Variants in CPXM2 observed in about 807,000 individuals in gnomAD.
CPXM2 encodes inactive carboxypeptidase-like protein X2.
A neutral mutation model predicts 86.1 loss-of-function variants in CPXM2; 66 were observed. That is an observed-to-expected ratio of 0.77 (90% CI 0.63 to 0.94). The LOEUF (loss-of-function observed/expected upper bound fraction) is 0.94, where lower values mean the gene tolerates loss of function less well. CPXM2 is among the 40% of genes least tolerant of loss of function. CPXM2 has a pLI of 0.00. For synonymous variants in CPXM2, 388 were observed against 400.2 expected, an observed-to-expected ratio of 0.97 and a Z score of 0.36; for missense variants, 948 against 1,026.3, an observed-to-expected ratio of 0.92 and a Z score of 1.04.
intron 9 of CPXM2, 107 bp from the exon 10 acceptor site, chr10:123,767,259 G>A: frequency 1.0e-6 from 1 of 952,978 alleles, no homozygotes; most frequent in South Asian, 1.6e-5. Flanking sequence ...ATGTCTCTAA[G>A]CCTCTAGATG....
rs576141897 is a variant in CPXM2, at chr10:123,933,452, C to T, written n.174+6025G>A. Among the ~76,000 whole-genome samples, 20 of 152,334 alleles carry T rather than the reference C, an allele frequency of 1.3e-4. No individual in the cohort carries two copies. The South Asian group carries it at 4.1e-3, about 32-fold the overall frequency. ...ATCAAAAACAGGCTGGGTGCAGTTG[C>T]TCACGCCTATAATCTCAGCACTTGG... On this transcript the variant is annotated intron_variant and non_coding_transcript_variant, in intron 2 of 19. Coordinates refer to the CPXM2 transcript ENST00000368854.
intron 3 of CPXM2, among the ~76,000 whole-genome samples, chr10:123,856,964 G>A (rs1026579280): frequency 3.3e-5 from 5 of 152,130 alleles, no homozygotes; most frequent in Admixed American, 6.5e-5. Flanking sequence ...CAATCTGTCC[G>A]TAGTTGCTCC....
chr10:123,943,503 G>A (rs921419420), upstream of CPXM2, among the ~76,000 whole-genome samples: 4 of 152,204 alleles, frequency 2.6e-5, no homozygotes, highest in Non-Finnish European at 4.4e-5. Context: ...TGAGCAGCAC[G>A]AGGTAGATCC....
intron 6 of CPXM2, among the ~76,000 whole-genome samples, chr10:123,780,568 G>T (rs1180260610): frequency 6.6e-6 from 1 of 152,122 alleles, no homozygotes; most frequent in Non-Finnish European, 1.5e-5. Context: ...GAAAAAGAAT[G>T]GTACCTCCCT....
intron 2 of CPXM2, among the ~76,000 whole-genome samples, chr10:123,937,549 G>A (rs1304306568): frequency 6.6e-6 from 1 of 150,776 alleles, no homozygotes; most frequent in Non-Finnish European, 1.5e-5. Context: ...GAGAGAAGCT[G>A]TTTCCACTGG....
At chr10:123,797,214 C>G (rs1847351965) in intron 6 of CPXM2, among the ~76,000 whole-genome samples, 3 of 152,214 alleles carry the variant, frequency 2.0e-5, no homozygotes, top group Admixed American at 6.5e-5. Context: ...CACAGGCTTC[C>G]AAGAGCAGCT....
In CPXM2 at chr10:123,780,179, C is replaced by T; in HGVS notation, c.966G>A (p.Lys322=). Reference sequence around the variant, plus strand: ...ATCTGGGTCTTACCTGGCGCATTTCCTTATAATTGTGGTGCTTAAAATCCA... The same window carrying T: ...ATCTGGGTCTTACCTGGCGCATTTCTTTATAATTGTGGTGCTTAAAATCCA... ...DDLDFKHHNY[K]EMRQLMKVVN... Residue 322 remains lysine, a synonymous_variant, in exon 7 of 14, where the codon AAG becomes AAA. Coordinates refer to ENST00000241305, the MANE Select transcript of CPXM2 (RefSeq NM_198148.3). The T allele has an allele frequency of 1.2e-6, 2 of 1,605,398 alleles. No homozygotes were observed. The highest frequency in any genetic ancestry group is 1.7e-6 in the Non-Finnish European group (2 of 1,172,086).
rs113941018 is a variant in CPXM2, at chr10:123,851,914, T to C, written c.514-9426A>G. On this transcript the variant is annotated intron_variant, in intron 3 of 13. Transcript: ENST00000241305. ...AGACACACAGGCAGAGGACAGATGA[T>C]GTAGAGGCTCACTGGAAGAAGCCTG... Among the ~76,000 whole-genome samples, 975 of 151,834 alleles carry C rather than the reference T, an allele frequency of 6.4e-3. 3 individuals carry two copies. The highest frequency in any genetic ancestry group is 0.027 in the Middle Eastern group (8 of 292).
chr10:123,878,065 G>A (rs1279572135), intron 2 of CPXM2, among the ~76,000 whole-genome samples: 1 of 152,080 alleles, frequency 6.6e-6, no homozygotes, highest in African/African-American at 2.4e-5. Context: ...GCCCCCCAGT[G>A]CAACCTGAGT....
Position 123,754,172 on chromosome 10 carries a change from C to A in CPXM2, c.2017+491G>T, listed in dbSNP as rs1361202257. Among the ~76,000 whole-genome samples the A allele has an allele frequency of 6.6e-6, 1 of 152,206 alleles. No individual in the cohort carries two copies. The highest frequency in any genetic ancestry group is 1.5e-5 in the Non-Finnish European group (1 of 68,034). ...AATGGAAAAAGTGCATCCTCTCTGGCCAGTCCCAACCCACCCCTCCAGCTG... is the reference window on the plus strand; with the variant it reads ...AATGGAAAAAGTGCATCCTCTCTGGACAGTCCCAACCCACCCCTCCAGCTG... On this transcript the variant is annotated intron_variant, in intron 13 of 13. Coordinates refer to ENST00000241305, the MANE Select transcript of CPXM2 (RefSeq NM_198148.3). This position sits in a 1 kb window ranked among gnomAD's most constrained non-coding sequence, Gnocchi z 4.0.
chr10:123,800,332 C>T (rs1847431009), intron 4 of CPXM2, among the ~76,000 whole-genome samples: 1 of 152,126 alleles, frequency 6.6e-6, no homozygotes, highest in South Asian at 2.1e-4. Context: ...TGTCTGAATA[C>T]CCGTTAGAAG....
rs997168954 is a variant in CPXM2, at chr10:123,815,436, C to G, written c.654-16237G>C. On this transcript the variant is annotated intron_variant, in intron 4 of 13. Coordinates refer to ENST00000241305, the MANE Select transcript of CPXM2 (RefSeq NM_198148.3). ...GGCATTCATTGGAAAAGAATGGGAT[C>G]CTGCAACTTGGAATGGGACGTTTTG... Among the ~76,000 whole-genome samples, 2 of 152,152 alleles carry G rather than the reference C, an allele frequency of 1.3e-5. 1 individual carries two copies. The highest frequency in any genetic ancestry group is 4.8e-5 in the African/African-American group (2 of 41,446).
intron 6 of CPXM2, among the ~76,000 whole-genome samples, chr10:123,789,457 G>C (rs1318434615): frequency 2.6e-5 from 4 of 152,346 alleles, no homozygotes; most frequent in Admixed American, 2.0e-4. Flanking sequence ...TTGACTGGCA[G>C]GGAAGCTGTC....
At chr10:123,776,166 C>T (rs142457061) in intron 7 of CPXM2, among the ~76,000 whole-genome samples, 2 of 152,270 alleles carry the variant, frequency 1.3e-5, no homozygotes, top group East Asian at 3.9e-4. Flanking sequence ...AAGCTCAACC[C>T]TATCTGGCAA....
Position 123,767,126 on chromosome 10 carries a change from C to G in CPXM2, c.1326G>C (p.Leu442=). 6.2e-7 allele frequency: 1 copy of G among 1,614,116 alleles called. No homozygotes were observed. Among genetic ancestry groups the G allele is most frequent in the South Asian group, 1.1e-5 (1 of 91,078 alleles). Residue 442 remains leucine (L), a synonymous_variant, in exon 10 of 14, where the codon CTG becomes CTC. Coordinates refer to ENST00000241305, the MANE Select transcript of CPXM2 (RefSeq NM_198148.3). ...CAATTCCATCGTGGGTCCAGCGTCC[C>G]AGGGACCAGCCTCCCAGCTCCGAGC... ...EGGSELGGWS[L]GRWTHDGIDI...
In CPXM2 at chr10:123,757,354, T is replaced by C. The variant is rs924157903; in HGVS notation, c.1778-2A>G. 28 of 1,612,020 alleles carry C rather than the reference T, an allele frequency of 1.7e-5. No homozygotes were observed. The highest frequency in any genetic ancestry group is 2.2e-5 in the Non-Finnish European group (26 of 1,178,318). On this transcript the variant is annotated splice_acceptor_variant, in intron 11 of 13. Coordinates refer to ENST00000241305, the MANE Select transcript of CPXM2 (RefSeq NM_198148.3). LOFTEE classifies it high-confidence loss of function. Reference sequence around the variant, plus strand: ...GAAGGTAGCTGAAATCGTTCAGACCTGCCAAGCCAACCGGACAACACTTTA... The same window carrying C: ...GAAGGTAGCTGAAATCGTTCAGACCCGCCAAGCCAACCGGACAACACTTTA...
chr10:123,913,812 G>A (rs906867592), intron 2 of CPXM2: 4 of 336,520 alleles, frequency 1.2e-5, no homozygotes, highest in Non-Finnish European at 2.3e-5. Context: ...AAAGAAAGAT[G>A]GTGTGGACTG....
Position 123,770,986 on chromosome 10 carries a change from A to C in CPXM2, c.1032T>G (p.Ile344Met), listed in dbSNP as rs557565980. 6 of 1,613,782 alleles carry C rather than the reference A, an allele frequency of 3.7e-6. 1 individual carries two copies. In the South Asian group the frequency reaches 6.6e-5, roughly 18 times the overall value. Residue 344 changes from isoleucine (I) to methionine (M), a missense_variant, in exon 8 of 14, where the codon ATT (isoleucine) becomes ATG (methionine). By Grantham distance (10) the Ile-to-Met change is conservative (BLOSUM62 1). Coordinates refer to ENST00000241305, the MANE Select transcript of CPXM2 (RefSeq NM_198148.3). ...GCTTCAGGCCCTGGTGGCTTTTTCC[A>C]ATGTTGTAAATTCTGGTGATATTGG... ...MCPNITRIYN[I>M]GKSHQGLKLY...
rs1846150162 is a variant in CPXM2, at chr10:123,754,362, G to C, written c.2017+301C>G. Among the ~76,000 whole-genome samples, 1 of 152,196 alleles carries C rather than the reference G, an allele frequency of 6.6e-6. No homozygotes were observed. Among genetic ancestry groups the C allele is most frequent in the Non-Finnish European group, 1.5e-5 (1 of 68,044 alleles). On this transcript the variant is annotated intron_variant, in intron 13 of 13. Coordinates refer to ENST00000241305, the MANE Select transcript of CPXM2 (RefSeq NM_198148.3). The surrounding 1 kb of genome is among the most constrained non-coding windows in gnomAD (Gnocchi z 4.0). ...TCTGAGAGCTAAGCTGCCTGCAGAT[G>C]CAACAACTCCATGGAGACAGAGCTG... is the stretch of plus-strand genomic sequence containing the variant.
Sources: allele counts gnomAD v4.1 joint callset (sites outside exome capture counted in the v4.1 genomes callset), GRCh38; gene constraint gnomAD v4.1.1; non-coding constraint Gnocchi (gnomAD v3.1); transcripts MANE v1.5; gene names NCBI Gene and HGNC (gene_info 2026-07-23, HGNC 2026-07-21).